Variants in DRC11 observed in about 807,000 individuals in gnomAD.
DRC11 encodes the protein IQ and AAA domain-containing protein 1.
the DRC11 span, among the ~76,000 whole-genome samples, chr2:236,336,531 C>G: frequency 6.6e-6 from 1 of 152,012 alleles, no homozygotes; most frequent in Non-Finnish European, 1.5e-5. This position sits in a 1 kb window ranked among gnomAD's most constrained non-coding sequence, Gnocchi z 7.3. Context: ...TGACCATCAT[C>G]ATCTCCAGTG....
the DRC11 span, among the ~76,000 whole-genome samples, chr2:236,416,737 AT>A: frequency 1.9e-5 from 1 of 52,178 alleles, no homozygotes. Context: ...ATATATATAT[AT>A]ATATATATAT....
chr2:236,422,606 C>T, the DRC11 span, among the ~76,000 whole-genome samples: 4 of 152,066 alleles, frequency 2.6e-5, no homozygotes, highest in Non-Finnish European at 4.4e-5. Context: ...GAATCAATAT[C>T]GTGAAAATGG....
At chr2:236,432,154 T>C in the DRC11 span, among the ~76,000 whole-genome samples, 1 of 152,222 alleles carries the variant, frequency 6.6e-6, no homozygotes, top group Admixed American at 6.5e-5. Context: ...TCCATTTTAA[T>C]TTTCATTACC....
At chr2:236,435,191 C>A in the DRC11 span, among the ~76,000 whole-genome samples, 1 of 152,198 alleles carries the variant, frequency 6.6e-6, no homozygotes, top group African/African-American at 2.4e-5. Context: ...CGAGCTAAAG[C>A]CTGTATTTTA....
At chr2:236,352,092 C>T in the DRC11 span, among the ~76,000 whole-genome samples, 5 of 152,168 alleles carry the variant, frequency 3.3e-5, no homozygotes, top group South Asian at 2.1e-4. This position sits in a 1 kb window ranked among gnomAD's most constrained non-coding sequence, Gnocchi z 7.0. Context: ...ACAGGGAAGA[C>T]GATGATAGAG....
At chr2:236,306,890 T>C in the DRC11 span, among the ~76,000 whole-genome samples, 11 of 152,204 alleles carry the variant, frequency 7.2e-5, no homozygotes, top group African/African-American at 2.2e-4. The surrounding 1 kb of genome is among the most constrained non-coding windows in gnomAD (Gnocchi z 5.9). Context: ...TATTATCCTG[T>C]GTGTAAATTA....
chr2:236,423,355 G>GA, the DRC11 span, among the ~76,000 whole-genome samples: 123 of 146,814 alleles, frequency 8.4e-4, no homozygotes, highest in East Asian at 1.2e-3. Context: ...AAATTTACAA[G>GA]AAAAAAAAAA....
chr2:236,408,303 C>A, the DRC11 span: 3,417 of 799,444 alleles, frequency 4.3e-3, 80 homozygotes, highest in African/African-American at 0.05. The surrounding 1 kb of genome is among the most constrained non-coding windows in gnomAD (Gnocchi z 5.5). Flanking sequence ...AGGCAGGATG[C>A]CATGCCCCAA....
the DRC11 span, among the ~76,000 whole-genome samples, chr2:236,489,657 C>T: frequency 6.6e-6 from 1 of 152,158 alleles, no homozygotes; most frequent in East Asian, 1.9e-4. Flanking sequence ...CACAGTGGCT[C>T]ACACCTGTAA....
At chr2:236,344,924 G>C in the DRC11 span, among the ~76,000 whole-genome samples, 7 of 111,472 alleles carry the variant, frequency 6.3e-5, no homozygotes, top group African/African-American at 6.7e-5. Flanking sequence ...GCTTCTCTCT[G>C]GGGTGTGCAG....
chr2:236,319,052 C>T, the DRC11 span, among the ~76,000 whole-genome samples: 2 of 152,226 alleles, frequency 1.3e-5, no homozygotes, highest in African/African-American at 4.8e-5. This position sits in a 1 kb window ranked among gnomAD's most constrained non-coding sequence, Gnocchi z 6.7. Context: ...GTGGGAGGAT[C>T]TGGAGAAGGG....
the DRC11 span, among the ~76,000 whole-genome samples, chr2:236,307,948 CACAAGCGTCCTCGTGT>C: frequency 6.8e-6 from 1 of 146,106 alleles, no homozygotes; most frequent in African/African-American, 2.8e-5. The surrounding 1 kb of genome is among the most constrained non-coding windows in gnomAD (Gnocchi z 7.0). Flanking sequence ...CTTGCAGTGA[CACAAGCGTCCTCGTGT>C]GCTTGCAGTG....
At chr2:236,491,182 CACACAGTATATATATATATATATATATAT>C in the DRC11 span, among the ~76,000 whole-genome samples, 1 of 38,492 alleles carries the variant, frequency 2.6e-5, no homozygotes, top group South Asian at 5.8e-4. Context: ...TATATATATA[CACACAGTATATATATATATATATATATAT>C]ACACACAGTA....
the DRC11 span, among the ~76,000 whole-genome samples, chr2:236,428,765 C>T: frequency 6.6e-6 from 1 of 152,312 alleles, no homozygotes; most frequent in South Asian, 2.1e-4. Context: ...GAACTTATTG[C>T]TGCCACTTTA....
chr2:236,466,669 G>C, the DRC11 span, among the ~76,000 whole-genome samples: 1 of 152,084 alleles, frequency 6.6e-6, no homozygotes, highest in Non-Finnish European at 1.5e-5. Context: ...TAAACAACCA[G>C]ATCTTGTGTG....
At chr2:236,416,735 A>ATATATATATTTT in the DRC11 span, among the ~76,000 whole-genome samples, 6 of 49,258 alleles carry the variant, frequency 1.2e-4, no homozygotes, top group Non-Finnish European at 2.1e-4. Flanking sequence ...ATATATATAT[A>ATATATATATTTT]TATATATATA....
the DRC11 span, among the ~76,000 whole-genome samples, chr2:236,453,920 G>C: frequency 2.0e-5 from 3 of 152,174 alleles, no homozygotes; most frequent in Non-Finnish European, 4.4e-5. This position sits in a 1 kb window ranked among gnomAD's most constrained non-coding sequence, Gnocchi z 4.9. Flanking sequence ...GGGATTACAG[G>C]CATGAGCCAC....
At chr2:236,419,046 C>T in the DRC11 span, 1 of 1,412,408 alleles carries the variant, frequency 7.1e-7, no homozygotes, top group Non-Finnish European at 9.3e-7. This position sits in a 1 kb window ranked among gnomAD's most constrained non-coding sequence, Gnocchi z 4.8. Context: ...AAACAAACGG[C>T]TGCACTCCCA....
chr2:236,322,360 G>C, the DRC11 span, among the ~76,000 whole-genome samples: 1 of 149,238 alleles, frequency 6.7e-6, no homozygotes, highest in East Asian at 2.1e-4. Flanking sequence ...TCAGCCTCCC[G>C]AGTAGCTGGG....
Sources: gnomAD v4.1 joint callset for allele counts (sites outside exome capture counted in the v4.1 genomes callset) on GRCh38, gnomAD v4.1.1 for gene constraint, Gnocchi (gnomAD v3.1) non-coding constraint, MANE v1.5 for transcripts, NCBI Gene and HGNC (gene_info 2026-07-23, HGNC 2026-07-21) for gene names.